Variants in LMO7 observed in about 807,000 individuals in gnomAD.
LMO7 encodes the protein LIM domain 7.
A neutral mutation model predicts 206.5 loss-of-function variants in LMO7; 120 were observed. The ratio of observed to expected loss-of-function variants is 0.58; its 90% CI spans 0.50 to 0.68. The LOEUF is 0.68. LMO7 is among the 30% of genes least tolerant of loss of function. The probability of loss-of-function intolerance (pLI) is 0.00; values close to 1 mark genes in which losing one functional copy is unlikely to be tolerated. For missense variants in LMO7, 1,959 were observed against 1,957.9 expected, an observed-to-expected ratio of 1.00 and a Z score of -0.01; for synonymous variants, 706 against 681.5, an observed-to-expected ratio of 1.04 and a Z score of -0.56.
intron 1 of LMO7, among the ~76,000 whole-genome samples, chr13:75,711,555 C>A (rs1050394863): frequency 1.2e-4 from 19 of 152,352 alleles, no homozygotes; most frequent in African/African-American, 4.6e-4. Flanking sequence ...TCCCGGACCC[C>A]TTGTGCTTCC....
intron 1 of LMO7, among the ~76,000 whole-genome samples, chr13:75,708,870 A>T (rs1396752602): frequency 6.6e-6 from 1 of 152,146 alleles, no homozygotes; most frequent in Admixed American, 6.5e-5. Flanking sequence ...ATATGTATAC[A>T]TGTGCAATGT....
chr13:75,813,312 T>G (rs777591658), intron 11 of LMO7, among the ~76,000 whole-genome samples: 2 of 152,182 alleles, frequency 1.3e-5, no homozygotes, highest in African/African-American at 2.4e-5. Flanking sequence ...CAAACAATCA[T>G]GTTTGCTTTA....
At chr13:75,661,007 C>T (rs997048282) in intron 1 of LMO7, among the ~76,000 whole-genome samples, 1 of 152,162 alleles carries the variant, frequency 6.6e-6, no homozygotes, top group African/African-American at 2.4e-5. Flanking sequence ...TGTGTATTTT[C>T]ACATTTAATC....
In LMO7 at chr13:75,841,548, A is replaced by C. The variant is rs185488885; in HGVS notation, c.3676-80A>C. 160 of 1,059,792 alleles carry C rather than the reference A, an allele frequency of 1.5e-4. No homozygotes were observed. In the African/African-American group the frequency reaches 2.3e-3, roughly 15 times the overall value. The allele number at this position is 1,059,792 out of a possible 1,614,324, so 65.6% of individuals were successfully genotyped here. A position where few individuals can be genotyped will look rare whatever the true frequency, so the allele number is the denominator to read the frequency against. ...GGCCAACTATAGTTAGTAGCATCTA[A>C]AACTGAATATATATGTGTCTATATG... On this transcript the variant is annotated intron_variant, in intron 23 of 30. Transcript: ENST00000377534.
chr13:75,782,093 T>C (rs989370824), intron 4 of LMO7, among the ~76,000 whole-genome samples: 1 of 152,234 alleles, frequency 6.6e-6, no homozygotes, highest in African/African-American at 2.4e-5. Context: ...TTTACTCTGA[T>C]GGTAGTTTCT....
At chr13:75,814,940 C>A (rs1241435382) in intron 11 of LMO7, among the ~76,000 whole-genome samples, 1 of 152,052 alleles carries the variant, frequency 6.6e-6, no homozygotes, top group Non-Finnish European at 1.5e-5. Flanking sequence ...GGAGTGGGGG[C>A]ATGGTACTGA....
chr13:75,626,569 C>CAT (rs201229025), intron 2 of LMO7, among the ~76,000 whole-genome samples: 11,855 of 86,504 alleles, frequency 0.14, 1,653 homozygotes, highest in East Asian at 0.35. Context: ...ACCCTCTTAA[C>CAT]ATATATATTA....
At chr13:75,711,600 C>T (rs577913212) in intron 1 of LMO7, among the ~76,000 whole-genome samples, 7 of 152,310 alleles carry the variant, frequency 4.6e-5, no homozygotes, top group Admixed American at 1.3e-4. Flanking sequence ...CTTCGGCTCA[C>T]GCTCGGTGCG....
chr13:75,642,203 T>A (rs764761892), intron 1 of LMO7, among the ~76,000 whole-genome samples: 3 of 152,184 alleles, frequency 2.0e-5, no homozygotes, highest in Non-Finnish European at 4.4e-5. Context: ...AGGGTTCCAG[T>A]GCAGTGTCAA....
chr13:75,793,267 G>T (rs2053545937), intron 4 of LMO7, among the ~76,000 whole-genome samples: 1 of 152,100 alleles, frequency 6.6e-6, no homozygotes, highest in Non-Finnish European at 1.5e-5. Flanking sequence ...TAAAGTGCTG[G>T]GTTTTTGTTT....
At chr13:75,733,034 C>T (rs187882086) in intron 3 of LMO7, among the ~76,000 whole-genome samples, 1 of 152,212 alleles carries the variant, frequency 6.6e-6, no homozygotes, top group Non-Finnish European at 1.5e-5. Context: ...TCTGCCCCTA[C>T]TGGGGGGTGC....
chr13:75,852,556 T>G, intron 27 of LMO7, among the ~76,000 whole-genome samples: 1 of 152,228 alleles, frequency 6.6e-6, no homozygotes, highest in Non-Finnish European at 1.5e-5. Flanking sequence ...ATGCCACTGA[T>G]GATGAAGATC....
At chr13:75,677,231 C>T (rs2040087517) in intron 1 of LMO7, among the ~76,000 whole-genome samples, 1 of 152,120 alleles carries the variant, frequency 6.6e-6, no homozygotes, top group South Asian at 2.1e-4. Context: ...TACTCTAATA[C>T]TTTTGACTAA....
chr13:75,781,462 A>C (rs1042705210), intron 4 of LMO7, among the ~76,000 whole-genome samples: 1 of 151,308 alleles, frequency 6.6e-6, no homozygotes, highest in Non-Finnish European at 1.5e-5. Context: ...TGAACTCATC[A>C]TTTTTTATGG....
Position 75,805,726 on chromosome 13 carries a change from T to TA in LMO7, c.1163dup (p.Tyr388Ter), listed in dbSNP as rs1207601783. 1 of 1,613,858 alleles carries TA rather than the reference T, an allele frequency of 6.2e-7. No homozygotes were observed. Among genetic ancestry groups the TA allele is most frequent in the Non-Finnish European group, 8.5e-7 (1 of 1,179,878 alleles). ...CTGGAAAAGAATAAAAAGGGAAACT[T>TA]ATAAGCCATGGTATAAAGAATTTCA... ...VNWKRIKRET[Y>*]KPWYKEFQGF... is the part of the protein sequence containing the mutation. Residue 388 changes from tyrosine to a stop codon, truncating the protein, a stop_gained and frameshift_variant, in exon 9 of 31, where the codon TAT (tyrosine) becomes TAAT (stop). Coordinates refer to ENST00000377534, the MANE Select transcript of LMO7 (RefSeq NM_001306080.2). LOFTEE classifies it high-confidence loss of function.
At chr13:75,682,883 A>G (rs902902227) in intron 1 of LMO7, among the ~76,000 whole-genome samples, 7 of 152,180 alleles carry the variant, frequency 4.6e-5, no homozygotes, top group Non-Finnish European at 8.8e-5. Context: ...TTATTATACT[A>G]TTGACATTGA....
chr13:75,746,302 AAATGTTGTT>A, intron 3 of LMO7, among the ~76,000 whole-genome samples: 2 of 152,308 alleles, frequency 1.3e-5, no homozygotes, highest in South Asian at 2.1e-4. Flanking sequence ...TGTAGATTTT[AAATGTTGTT>A]CCCTGGCAGC....
chr13:75,748,076 G>A (rs114348050), intron 3 of LMO7, among the ~76,000 whole-genome samples: 116 of 152,250 alleles, frequency 7.6e-4, no homozygotes, highest in African/African-American at 2.7e-3. Context: ...CGGAGGAACA[G>A]GGTTATGAGC....
intron 4 of LMO7, among the ~76,000 whole-genome samples, chr13:75,762,800 A>C (rs1428955495): frequency 6.6e-6 from 1 of 152,142 alleles, no homozygotes; most frequent in Non-Finnish European, 1.5e-5. Flanking sequence ...GACTTCACTT[A>C]AGAACATTTC....
Sources: allele counts gnomAD v4.1 joint callset (sites outside exome capture counted in the v4.1 genomes callset), GRCh38; gene constraint gnomAD v4.1.1; transcripts MANE v1.5; gene names NCBI Gene and HGNC (gene_info 2026-07-23, HGNC 2026-07-21).